Variants in ENOX1 observed in about 807,000 individuals in gnomAD.
ENOX1 encodes ecto-NOX disulfide-thiol exchanger 1, also known as candidate growth-related and time keeping constitutive hydroquinone (NADH) oxidase.
Under a neutral mutation model 82.5 loss-of-function variants are expected in ENOX1, and 42 were observed. That is an observed-to-expected ratio of 0.51 (90% CI 0.40 to 0.66). ENOX1 has a LOEUF of 0.66. ENOX1 is among the 30% of genes least tolerant of loss of function. The pLI, the probability that ENOX1 is intolerant of heterozygous loss-of-function variation, is 0.00. For synonymous variants in ENOX1, 271 were observed against 282.2 expected (o/e 0.96, Z 0.40); for missense variants, 608 against 811.6 (o/e 0.75, Z 3.05).
chr13:43,519,820 C>T (rs987805514), intron 2 of ENOX1, among the ~76,000 whole-genome samples: 1 of 152,180 alleles, frequency 6.6e-6, no homozygotes, highest in Non-Finnish European at 1.5e-5. Context: ...ACCTTCTTGG[C>T]AGTCCCAGAC....
chr13:43,530,469 T>A (rs1199011693), intron 2 of ENOX1, among the ~76,000 whole-genome samples: 2 of 152,034 alleles, frequency 1.3e-5, no homozygotes, highest in Non-Finnish European at 2.9e-5. Context: ...ATTATATGGC[T>A]TAGAAAATGG....
rs145202361 is a variant in ENOX1, at chr13:43,293,427, C to A, written c.1446+4919G>T. Reference sequence around the variant, plus strand: ...TAGTCACCAAAACAACCACAGCTACCATCCTCACCACAATCACCCTCACCT... The same window carrying A: ...TAGTCACCAAAACAACCACAGCTACAATCCTCACCACAATCACCCTCACCT... On this transcript the variant is annotated intron_variant, in intron 12 of 16. Coordinates refer to ENST00000690772, the MANE Select transcript of ENOX1 (RefSeq NM_001347969.2). Among the ~76,000 whole-genome samples, 996 of 152,194 alleles carry A rather than the reference C, an allele frequency of 6.5e-3. 7 individuals carry two copies. Among genetic ancestry groups the A allele is most frequent in the African/African-American group, 0.017 (718 of 41,524 alleles).
In ENOX1 at chr13:43,326,443, T is replaced by C; in HGVS notation, c.1119A>G (p.Ile373Met). The change falls in exon 10 of 17, where the codon ATA becomes ATG. Residue 373 changes from isoleucine to methionine, a missense_variant. Transcript: ENST00000690772. ...CCTCAGAATGCTTTCGCCAAATGTC[T>C]ATGTTCTTGCGCTGGGCTTTCGAGA... Reference protein sequence around the residue: ...DHFSKAQRKNIDIWRKHSEEL... With the variant: ...DHFSKAQRKNMDIWRKHSEEL... 6.2e-7 allele frequency: 1 copy of C among 1,614,160 alleles called. No individual in the cohort carries two copies. The highest frequency in any genetic ancestry group is 1.1e-5 in the South Asian group (1 of 91,084).
intron 3 of ENOX1, among the ~76,000 whole-genome samples, chr13:43,443,206 T>C (rs1165708482): frequency 6.6e-6 from 1 of 152,192 alleles, no homozygotes. Context: ...CTTTCGTATA[T>C]AGCAAAGAGA....
intron 3 of ENOX1, among the ~76,000 whole-genome samples, chr13:43,468,544 C>T (rs983696097): frequency 6.6e-6 from 1 of 150,646 alleles, no homozygotes; most frequent in African/African-American, 2.4e-5. Context: ...AATCCTAGCT[C>T]TTAGGGAGGC....
At chr13:43,589,268 T>TAAGTC in intron 2 of ENOX1, among the ~76,000 whole-genome samples, 1 of 148,158 alleles carries the variant, frequency 6.7e-6, no homozygotes, top group South Asian at 2.2e-4. Flanking sequence ...GTAGTGCTGT[T>TAAGTC]AAGTCTGAGA....
At chr13:43,435,191 C>A (rs572790619) in intron 3 of ENOX1, among the ~76,000 whole-genome samples, 1 of 152,202 alleles carries the variant, frequency 6.6e-6, no homozygotes, top group South Asian at 2.1e-4. Context: ...TGGAGTATGC[C>A]ATTCCAGCCA....
intron 9 of ENOX1, among the ~76,000 whole-genome samples, 164 bp from the exon 10 acceptor site, chr13:43,326,689 G>A (rs1426322118): frequency 6.6e-6 from 1 of 152,168 alleles, no homozygotes; most frequent in Non-Finnish European, 1.5e-5. Context: ...TAGCAAGGTT[G>A]GGGATGTCTC....
intron 3 of ENOX1, among the ~76,000 whole-genome samples, chr13:43,452,466 C>T (rs191867358): frequency 6.6e-6 from 1 of 152,168 alleles, no homozygotes; most frequent in Non-Finnish European, 1.5e-5. Flanking sequence ...CTTTTTATGG[C>T]TGCATTGTAT....
intron 1 of ENOX1, among the ~76,000 whole-genome samples, chr13:43,736,716 T>A (rs1434865536): frequency 6.6e-6 from 1 of 151,992 alleles, no homozygotes; most frequent in African/African-American, 2.4e-5. Flanking sequence ...ACTGTCTAGG[T>A]GGGAAGCTCT....
chr13:43,250,063 C>T (rs1050710809), intron 14 of ENOX1, among the ~76,000 whole-genome samples: 1 of 151,508 alleles, frequency 6.6e-6, no homozygotes, highest in African/African-American at 2.5e-5. Flanking sequence ...TTACTATCTC[C>T]ATTTTATAGA....
At chr13:43,333,587 A>ACT (rs1214142727) in intron 9 of ENOX1, among the ~76,000 whole-genome samples, 2 of 152,080 alleles carry the variant, frequency 1.3e-5, no homozygotes, top group East Asian at 3.9e-4. Context: ...GTCTCTACTA[A>ACT]CTCCCTTAGT....
At chr13:43,657,400 G>A (rs1211904992) in intron 2 of ENOX1, among the ~76,000 whole-genome samples, 3 of 152,156 alleles carry the variant, frequency 2.0e-5, no homozygotes, top group Non-Finnish European at 4.4e-5. Context: ...AGGTATGGAT[G>A]TCTCTCAGCC....
At chr13:43,608,293 G>C (rs538524355) in intron 2 of ENOX1, among the ~76,000 whole-genome samples, 2 of 152,154 alleles carry the variant, frequency 1.3e-5, no homozygotes, top group South Asian at 4.2e-4. Flanking sequence ...CGAAACTGAA[G>C]TTATTTCTAT....
At chr13:43,713,284 A>G (rs2087866303) in intron 1 of ENOX1, among the ~76,000 whole-genome samples, 1 of 152,112 alleles carries the variant, frequency 6.6e-6, no homozygotes. Flanking sequence ...TGGTGGATGA[A>G]CTTTTTGATG....
chr13:43,645,464 A>T (rs954926976), intron 2 of ENOX1, among the ~76,000 whole-genome samples: 1 of 147,198 alleles, frequency 6.8e-6, no homozygotes. Context: ...CGGCCACAGA[A>T]GTCTTTAATA....
At chr13:43,340,974 A>G (rs1429170352) in intron 9 of ENOX1, among the ~76,000 whole-genome samples, 1 of 152,150 alleles carries the variant, frequency 6.6e-6, no homozygotes, top group Non-Finnish European at 1.5e-5. Flanking sequence ...ATCACTACTC[A>G]TTTGGATAAG....
At chr13:43,726,964 A>T (rs2153820436) in intron 1 of ENOX1, among the ~76,000 whole-genome samples, 1 of 152,236 alleles carries the variant, frequency 6.6e-6, no homozygotes, top group East Asian at 1.9e-4. Context: ...CTGGTCTCGA[A>T]TTCCTGACCT....
chr13:43,689,417 C>T (rs1275886658), intron 1 of ENOX1, among the ~76,000 whole-genome samples: 1 of 152,192 alleles, frequency 6.6e-6, no homozygotes, highest in Non-Finnish European at 1.5e-5. Flanking sequence ...GTGTTAGATA[C>T]TTAATCAATG....
Sources: allele counts gnomAD v4.1 joint callset (sites outside exome capture counted in the v4.1 genomes callset), GRCh38; gene constraint gnomAD v4.1.1; transcripts MANE v1.5; gene names NCBI Gene and HGNC (gene_info 2026-07-23, HGNC 2026-07-21).